RXRA: variants seen among roughly 807,000 people sequenced by gnomAD.
The protein encoded by RXRA is retinoic acid receptor RXR-alpha.
In RXRA, 5 loss-of-function variants were observed where a neutral mutation model predicts 44.5. The observed-to-expected ratio is 0.11, with a 90% confidence interval of 0.06 to 0.24. The LOEUF (loss-of-function observed/expected upper bound fraction) is 0.24. Among genes scored for constraint, RXRA ranks in the 10% least tolerant of loss-of-function variants. The pLI, the probability that RXRA is intolerant of heterozygous loss-of-function variation, is 1.00. For synonymous variants in RXRA, 291 were observed against 271.4 expected (o/e 1.07, Z -0.71); for missense variants, 412 against 646.5 (o/e 0.64, Z 3.93).
chr9:134,338,773 G>A (rs2119022330), intron 1 of RXRA, among the ~76,000 whole-genome samples: 1 of 152,326 alleles, frequency 6.6e-6, no homozygotes, highest in South Asian at 2.1e-4. Context: ...CCTGCACTGT[G>A]CCCAGCCTTG....
At chr9:134,383,703 G>A (rs1199140194) in intron 1 of RXRA, among the ~76,000 whole-genome samples, 1 of 152,174 alleles carries the variant, frequency 6.6e-6, no homozygotes, top group Non-Finnish European at 1.5e-5. Flanking sequence ...CAGTTAGCAT[G>A]GTGGCATGGT....
intron 1 of RXRA, chr9:134,379,646 G>GA (rs1485407259): frequency 9.4e-5 from 93 of 985,156 alleles, no homozygotes; most frequent in Non-Finnish European, 1.1e-4. Flanking sequence ...GCCCCTCTCT[G>GA]ACCCCACCCT....
chr9:134,352,749 C>T (rs1830237145), intron 1 of RXRA, among the ~76,000 whole-genome samples: 1 of 152,200 alleles, frequency 6.6e-6, no homozygotes, highest in Non-Finnish European at 1.5e-5. Flanking sequence ...GCGGGCTCCA[C>T]AGCTGACGGC....
At chr9:134,390,099 G>A (rs1457989443) in intron 1 of RXRA, among the ~76,000 whole-genome samples, 2 of 152,202 alleles carry the variant, frequency 1.3e-5, no homozygotes. Context: ...CGGAGCCTGC[G>A]CTTGCCTGCA....
At chr9:134,368,095 A>T (rs1232980180) in intron 1 of RXRA, among the ~76,000 whole-genome samples, 1 of 152,212 alleles carries the variant, frequency 6.6e-6, no homozygotes, top group African/African-American at 2.4e-5. Context: ...GCCTGGGGCT[A>T]GGGTCTCCTC....
chr9:134,417,888 A>C lies in RXRA; in HGVS notation c.780+561A>C, dbSNP rs1831266412. ...CATGCTGACCCTCCTGCCCCCTCCC[A>C]CCCCAACAGCCTCAAGGGGAGGAGG... On this transcript the variant is annotated intron_variant, in intron 5 of 9. Coordinates refer to ENST00000481739, the MANE Select transcript of RXRA (RefSeq NM_002957.6). This position sits in a 1 kb window ranked among gnomAD's most constrained non-coding sequence, Gnocchi z 6.1. Among the ~76,000 whole-genome samples, 1 of 148,524 alleles carries C rather than the reference A, an allele frequency of 6.7e-6. No individual in the cohort carries two copies. Among genetic ancestry groups the C allele is most frequent in the Non-Finnish European group, 1.5e-5 (1 of 66,782 alleles).
rs750013567 is a variant in RXRA at position 134,408,965 on chromosome 9, C to T, written c.456C>T (p.Cys152=). 4 of 1,599,008 alleles carry T rather than the reference C, an allele frequency of 2.5e-6. No homozygotes were observed. Among genetic ancestry groups the T allele is most frequent in the East Asian group, 2.3e-5 (1 of 43,834 alleles). The change falls in exon 4 of 10, where the codon TGC becomes TGT. Residue 152 remains cysteine (C), a synonymous_variant. Coordinates refer to ENST00000481739, the MANE Select transcript of RXRA (RefSeq NM_002957.6). ...SSGKHYGVYS[C]EGCKGFFKRT... ...GCAAGCACTATGGAGTGTACAGCTGCGAGGGGTGCAAGGGCTTCTTCAAGC... is the reference window on the plus strand; with the variant it reads ...GCAAGCACTATGGAGTGTACAGCTGTGAGGGGTGCAAGGGCTTCTTCAAGC...
chr9:134,402,041 G>T (rs182553656), intron 2 of RXRA, 159 bp downstream of exon 2: 6 of 662,394 alleles, frequency 9.1e-6, no homozygotes, highest in Non-Finnish European at 5.0e-6. Flanking sequence ...GCAGAGTGCC[G>T]TGGGGGTTTG....
chr9:134,370,282 GT>G (rs1830475384), intron 1 of RXRA, among the ~76,000 whole-genome samples: 1 of 152,208 alleles, frequency 6.6e-6, no homozygotes, highest in Admixed American at 6.5e-5. Context: ...CTGCTGGGCA[GT>G]GTGACCTCGG....
chr9:134,351,096 C>T (rs1036489025), intron 1 of RXRA, among the ~76,000 whole-genome samples: 1 of 152,354 alleles, frequency 6.6e-6, no homozygotes, highest in African/African-American at 2.4e-5. Flanking sequence ...TGTGAGGAAG[C>T]GCTGGCTGCA....
intron 4 of RXRA, among the ~76,000 whole-genome samples, chr9:134,411,218 C>T (rs751631929): frequency 2.0e-5 from 3 of 152,208 alleles, no homozygotes; most frequent in Non-Finnish European, 4.4e-5. Flanking sequence ...GGCCCTGCAG[C>T]CCAGTCATCC....
intron 1 of RXRA, among the ~76,000 whole-genome samples, chr9:134,345,807 C>T (rs1198036017): frequency 2.0e-5 from 3 of 152,196 alleles, no homozygotes; most frequent in Non-Finnish European, 4.4e-5. Flanking sequence ...AGTCTTGACT[C>T]TCTGGCCCGG....
chr9:134,337,783 A>G (rs1435401717), intron 1 of RXRA, among the ~76,000 whole-genome samples: 1 of 152,058 alleles, frequency 6.6e-6, no homozygotes, highest in Admixed American at 6.5e-5. Context: ...CCCTTGCATC[A>G]GACAGCAGTG....
chr9:134,374,813 C>CT (rs1190139591), intron 1 of RXRA, among the ~76,000 whole-genome samples: 1 of 152,230 alleles, frequency 6.6e-6, no homozygotes, highest in Non-Finnish European at 1.5e-5. Context: ...CCTCGTGTTA[C>CT]TGCTTGGGTC....
chr9:134,428,954 C>T (rs1385952239), intron 6 of RXRA, among the ~76,000 whole-genome samples, 154 bp from the exon 7 acceptor site: 2 of 152,224 alleles, frequency 1.3e-5, no homozygotes, highest in Non-Finnish European at 2.9e-5. Context: ...TCAGGAACCT[C>T]TTTTCTGTGG....
intron 1 of RXRA, among the ~76,000 whole-genome samples, chr9:134,397,279 C>T (rs1421654641): frequency 1.3e-5 from 2 of 152,152 alleles, no homozygotes; most frequent in South Asian, 2.1e-4. Flanking sequence ...CAGCCTGTGC[C>T]GTCACTGGGC....
chr9:134,369,698 G>A (rs2119078044), intron 1 of RXRA, among the ~76,000 whole-genome samples: 1 of 152,158 alleles, frequency 6.6e-6, no homozygotes, highest in Middle Eastern at 3.4e-3. Flanking sequence ...GGTCTGACCT[G>A]CTCGGTGGCC....
chr9:134,334,312 C>G (rs1283591331), intron 1 of RXRA, among the ~76,000 whole-genome samples: 1 of 152,258 alleles, frequency 6.6e-6, no homozygotes, highest in African/African-American at 2.4e-5. Context: ...ATCAGAAGCA[C>G]CTCTCCTGCC....
chr9:134,349,335 G>A lies in RXRA; in HGVS notation c.28+22676G>A, dbSNP rs1830192982. On this transcript the variant is annotated intron_variant, in intron 1 of 9. Transcript: ENST00000481739. This position sits in a 1 kb window ranked among gnomAD's most constrained non-coding sequence, Gnocchi z 4.3. ...TCATTGGTGGGCCTGTTGGGCCGGG[G>A]CGCCTCGGCCTGGTGGAGGGCTTCG... Among the ~76,000 whole-genome samples, 1 of 152,194 alleles carries A rather than the reference G, an allele frequency of 6.6e-6. No individual in the cohort carries two copies. The highest frequency in any genetic ancestry group is 2.4e-5 in the African/African-American group (1 of 41,458).
Sources: allele counts gnomAD v4.1 joint callset (sites outside exome capture counted in the v4.1 genomes callset), GRCh38; gene constraint gnomAD v4.1.1; non-coding constraint Gnocchi (gnomAD v3.1); transcripts MANE v1.5; gene names NCBI Gene and HGNC (gene_info 2026-07-23, HGNC 2026-07-21).